The following DIPK2B variants were observed in gnomAD, a reference collection of about 807,000 sequenced individuals.
The protein encoded by DIPK2B is divergent protein kinase domain 2B, also known as UPF0672 protein CXorf36.
In DIPK2B, 15 loss-of-function variants were observed where a neutral mutation model predicts 22.2. That is an observed-to-expected ratio of 0.68 (90% confidence interval 0.45 to 1.04). The LOEUF is 1.04. Among genes scored for constraint, DIPK2B ranks in the 50% least tolerant of loss-of-function variants. DIPK2B has a pLI of 0.00. For missense variants in DIPK2B, 345 were observed against 348.3 expected (o/e 0.99, Z 0.08); for synonymous variants, 163 against 153.2 (o/e 1.06, Z -0.47).
chrX:45,168,826 T>G (rs1004573451), intron 2 of DIPK2B, among the ~76,000 whole-genome samples: 1 of 111,931 alleles, frequency 8.9e-6, no homozygotes, highest in Admixed American at 9.5e-5. Flanking sequence ...ATGGACAGCC[T>G]TCACCCCAAA....
intron 2 of DIPK2B, among the ~76,000 whole-genome samples, chrX:45,176,854 C>T (rs2047121453): frequency 9.0e-6 from 1 of 111,698 alleles, no homozygotes. Context: ...TCCAAGATAA[C>T]TATGGAGAGA....
At chrX:45,176,471 G>C (rs1054350079) in intron 2 of DIPK2B, among the ~76,000 whole-genome samples, 2 of 112,101 alleles carry the variant, frequency 1.8e-5, no homozygotes, top group African/African-American at 3.2e-5. Context: ...AGTGTCCACT[G>C]TCTTGTCCCT....
At chrX:45,183,507 G>A (rs1020743337) in intron 2 of DIPK2B, 2 of 112,117 alleles carry the variant, frequency 1.8e-5, no homozygotes, top group Non-Finnish European at 3.8e-5. Context: ...GGCTGATCCT[G>A]GATCACAGGA....
chrX:45,156,015 G>GGA (rs1328322175), intron 3 of DIPK2B, among the ~76,000 whole-genome samples: 1 of 96,401 alleles, frequency 1.0e-5, no homozygotes, highest in Non-Finnish European at 2.0e-5. Flanking sequence ...TGCCCAGGCT[G>GGA]GAGTGCAGTG....
intron 2 of DIPK2B, among the ~76,000 whole-genome samples, chrX:45,182,266 G>A (rs1168678653): frequency 9.0e-6 from 1 of 110,949 alleles, no homozygotes; most frequent in African/African-American, 3.3e-5. Flanking sequence ...CCAAAGATGA[G>A]ATCAAAAAAG....
chrX:45,184,113 A>G (rs1177941631), intron 2 of DIPK2B, among the ~76,000 whole-genome samples: 2 of 111,741 alleles, frequency 1.8e-5, no homozygotes, highest in African/African-American at 6.5e-5. Context: ...AAGCTTCAAT[A>G]TGAGAGGAAT....
chrX:45,194,161 A>T (rs1412102317), intron 1 of DIPK2B, among the ~76,000 whole-genome samples: 1 of 111,731 alleles, frequency 9.0e-6, no homozygotes, highest in Non-Finnish European at 1.9e-5. Flanking sequence ...CCAAGGTCAC[A>T]TGACCAAGAA....
chrX:45,189,613 CAACAAACA>C (rs36017892), intron 2 of DIPK2B, among the ~76,000 whole-genome samples: 6 of 106,392 alleles, frequency 5.6e-5, no homozygotes, highest in Non-Finnish European at 1.2e-4. Context: ...AACTCTGTCT[CAACAAACA>C]AACAAACAAA....
At chrX:45,177,526 T>G (rs1170138165) in intron 2 of DIPK2B, among the ~76,000 whole-genome samples, 1 of 110,083 alleles carries the variant, frequency 9.1e-6, no homozygotes, top group East Asian at 2.9e-4. Flanking sequence ...TCTCTCCATG[T>G]GATCCCTGCT....
At chrX:45,156,229 C>T (rs2046994762) in intron 3 of DIPK2B, among the ~76,000 whole-genome samples, 1 of 110,699 alleles carries the variant, frequency 9.0e-6, no homozygotes, top group Admixed American at 9.6e-5. Context: ...ACCTCAGCCT[C>T]CCAAAGTGTT....
intron 2 of DIPK2B, among the ~76,000 whole-genome samples, chrX:45,172,721 T>C (rs923261390): frequency 8.9e-6 from 1 of 111,732 alleles, no homozygotes; most frequent in Non-Finnish European, 1.9e-5. Flanking sequence ...TGACGCAGAG[T>C]AAAACACATT....
At chrX:45,158,478 C>G (rs1396759647) in intron 2 of DIPK2B, among the ~76,000 whole-genome samples, 1 of 111,422 alleles carries the variant, frequency 9.0e-6, no homozygotes. Context: ...TTGGATATCA[C>G]AACTATGAGG....
chrX:45,172,116 G>C (rs1200288200), intron 2 of DIPK2B, among the ~76,000 whole-genome samples: 1 of 112,267 alleles, frequency 8.9e-6, no homozygotes, highest in African/African-American at 3.2e-5. Context: ...GCAGAGATGA[G>C]AAGCAAGGCA....
chrX:45,186,274 G>T (rs1226229498), intron 2 of DIPK2B, among the ~76,000 whole-genome samples: 1 of 111,314 alleles, frequency 9.0e-6, no homozygotes, highest in Non-Finnish European at 1.9e-5. Context: ...TGTCCAGTTG[G>T]TTCCCCAAAC....
rs146621657 is a variant in DIPK2B, at chrX:45,188,425, C to A, written c.498+3326G>T. On this transcript the variant is annotated intron_variant, in intron 2 of 4. Transcript: ENST00000398000. ...CAATATTGGCTTTACATGCAAATGG[C>A]TTCTTAGAGGGCTAACAGTGAAATG... 3.0e-3 allele frequency among the ~76,000 whole-genome samples: 335 copies of A among 112,021 alleles called. 3 individuals are homozygous for A. The highest frequency in any genetic ancestry group is 0.01 in the African/African-American group (313 of 30,861).
In DIPK2B at chrX:45,191,942, C is replaced by A. The variant is rs1181339985; in HGVS notation, c.307G>T (p.Asp103Tyr). ...ACAGGGCGCCAGATTTTGGAATCAT[C>A]TGAGTAATTTGCAGGATAAGAAAGC... is the stretch of plus-strand genomic sequence containing the variant. ...SLLSYPANYSDDSKIWRPVEI... is the reference protein window; with the variant it reads ...SLLSYPANYSYDSKIWRPVEI... Residue 103 changes from aspartate to tyrosine, a missense_variant, in exon 2 of 5, where the codon GAT (aspartate) becomes TAT (tyrosine). Transcript: ENST00000398000. 1 of 1,210,455 alleles carries A rather than the reference C, an allele frequency of 8.3e-7. No homozygotes were observed.
In DIPK2B at chrX:45,191,774, G is replaced by A. The variant is rs775096087; in HGVS notation, c.475C>T (p.Arg159Cys). The part of the protein sequence containing the change: ...ERFQKWLQAK[R>C]LTPDLVQGLA... ...ACCTGCACCAGGTCCGGCGTGAGGC[G>A]CTTGGCCTGCAGCCATTTCTGGAAC... is the stretch of plus-strand genomic sequence containing the variant. Residue 159 changes from arginine to cysteine, a missense_variant, in exon 2 of 5, where the codon CGC (arginine) becomes TGC (cysteine). Physicochemically the swap from Arg to Cys is radical, Grantham distance 180 (BLOSUM62 -3). Coordinates refer to ENST00000398000, the MANE Select transcript of DIPK2B (RefSeq NM_176819.4). The A allele has an allele frequency of 1.7e-6, 2 of 1,211,364 alleles. No homozygotes were observed. The highest frequency in any genetic ancestry group is 2.2e-5 in the Admixed American group (1 of 46,081).
chrX:45,175,619 A>G (rs1268542633), intron 2 of DIPK2B, among the ~76,000 whole-genome samples: 9 of 43,241 alleles, frequency 2.1e-4, no homozygotes, highest in South Asian at 1.1e-3. Context: ...ATATATGTGT[A>G]TATATATATA....
At chrX:45,177,722 T>C (rs2148343838) in intron 2 of DIPK2B, among the ~76,000 whole-genome samples, 1 of 111,194 alleles carries the variant, frequency 9.0e-6, no homozygotes, top group African/African-American at 3.3e-5. Context: ...TTTCTGCTTG[T>C]TAATGCCTAA....
Sources: allele counts gnomAD v4.1 joint callset (sites outside exome capture counted in the v4.1 genomes callset), GRCh38; gene constraint gnomAD v4.1.1; transcripts MANE v1.5; gene names NCBI Gene and HGNC (gene_info 2026-07-23, HGNC 2026-07-21).